The following MVB12B variants were observed in gnomAD, a reference collection of about 807,000 sequenced individuals.
MVB12B encodes ESCRT-I complex subunit MVB12B.
A neutral mutation model predicts 41.6 loss-of-function variants in MVB12B; 16 were observed. That is an observed-to-expected ratio of 0.38 (90% CI 0.26 to 0.58). MVB12B has a LOEUF of 0.58. Ranked by LOEUF, MVB12B falls within the 20% of genes least tolerant of loss-of-function variation. The pLI is 0.62. For synonymous variants in MVB12B, 133 were observed against 139.7 expected, an observed-to-expected ratio of 0.95 and a Z score of 0.34; for missense variants, 274 against 380.2, an observed-to-expected ratio of 0.72 and a Z score of 2.32.
At chr9:126,385,038 T>C (rs769326891) in intron 3 of MVB12B, among the ~76,000 whole-genome samples, 1 of 151,906 alleles carries the variant, frequency 6.6e-6, no homozygotes, top group Non-Finnish European at 1.5e-5. Flanking sequence ...GGTTTCGCCA[T>C]GTTTCCCAGG....
intron 9 of MVB12B, among the ~76,000 whole-genome samples, chr9:126,502,418 A>G (rs948980175): frequency 2.0e-5 from 3 of 151,952 alleles, no homozygotes; most frequent in Non-Finnish European, 4.4e-5. Context: ...CTAAATTTCC[A>G]TCAGACTTGG....
intron 2 of MVB12B, among the ~76,000 whole-genome samples, chr9:126,371,976 T>A (rs1306469165): frequency 6.6e-6 from 1 of 152,210 alleles, no homozygotes; most frequent in Non-Finnish European, 1.5e-5. Context: ...CACTGCCACC[T>A]AATTTTGAAC....
At chr9:126,453,366 C>A (rs79350332) in intron 7 of MVB12B, among the ~76,000 whole-genome samples, 3,531 of 152,246 alleles carry the variant, frequency 0.023, 139 homozygotes, top group African/African-American at 0.081. Flanking sequence ...GCACCCGGAG[C>A]AGACCAGGGC....
At position 126,420,561 on chromosome 9, in the gene MVB12B, C is replaced by CTT. The variant is rs567217742; in HGVS notation, c.663-1261_663-1260dup. On this transcript the variant is annotated intron_variant, in intron 6 of 9. Coordinates refer to ENST00000361171, the MANE Select transcript of MVB12B (RefSeq NM_033446.3). Reference sequence around the variant, plus strand: ...CTGGAGAGCCTTTCCTCCCAGGAGTCTTTTTTTTTTTTTTTTTTTTTTTTT... The same window carrying CTT: ...CTGGAGAGCCTTTCCTCCCAGGAGTCTTTTTTTTTTTTTTTTTTTTTTTTTTT... Among the ~76,000 whole-genome samples, 374 of 98,728 alleles carry CTT rather than the reference C, an allele frequency of 3.8e-3. 6 individuals carry two copies. The highest frequency in any genetic ancestry group is 5.7e-3 in the African/African-American group (124 of 21,898). 64.8% of individuals were successfully genotyped at this position (98,728 alleles called of 152,430 possible).
At chr9:126,375,251 AT>A (rs1564296320) in intron 2 of MVB12B, among the ~76,000 whole-genome samples, 2 of 141,886 alleles carry the variant, frequency 1.4e-5, no homozygotes, top group Non-Finnish European at 3.1e-5. Flanking sequence ...ACAACCTTTT[AT>A]TTTTTTCTTG....
At chr9:126,483,822 A>G in intron 8 of MVB12B, 151 bp from the exon 9 acceptor site, 1 of 780,774 alleles carries the variant, frequency 1.3e-6, no homozygotes, top group Non-Finnish European at 2.2e-6. Flanking sequence ...CGCGTGACCG[A>G]GAGTCCCACT....
intron 6 of MVB12B, among the ~76,000 whole-genome samples, chr9:126,404,646 G>A (rs1031734553): frequency 1.3e-5 from 2 of 152,102 alleles, no homozygotes; most frequent in South Asian, 4.1e-4. Flanking sequence ...CCGCCTAAGC[G>A]GTCTTAGGGA....
chr9:126,471,216 T>A (rs965201798), intron 7 of MVB12B, among the ~76,000 whole-genome samples: 1 of 152,364 alleles, frequency 6.6e-6, no homozygotes, highest in Admixed American at 6.5e-5. Context: ...TGTTCTTTCC[T>A]GTTGCTGTCT....
intron 3 of MVB12B, among the ~76,000 whole-genome samples, 154 bp downstream of exon 3, chr9:126,381,325 A>C (rs1270023811): frequency 6.6e-6 from 1 of 152,174 alleles, no homozygotes; most frequent in Non-Finnish European, 1.5e-5. Context: ...AGCAGCCAGC[A>C]CTGTGTTTCA....
chr9:126,447,559 T>G (rs1309718170), intron 7 of MVB12B, among the ~76,000 whole-genome samples: 1 of 152,208 alleles, frequency 6.6e-6, no homozygotes, highest in East Asian at 1.9e-4. Context: ...TATAATTTTT[T>G]GTTTTTTCAA....
chr9:126,380,952 G>A (rs1468752923), intron 2 of MVB12B, 112 bp from the exon 3 acceptor site: 11 of 730,506 alleles, frequency 1.5e-5, no homozygotes, highest in South Asian at 8.4e-5. Flanking sequence ...ATGAGATGCC[G>A]GGAGATCCCA....
chr9:126,498,904 A>G (rs1015671174), intron 9 of MVB12B, among the ~76,000 whole-genome samples: 4 of 152,314 alleles, frequency 2.6e-5, no homozygotes, highest in African/African-American at 9.6e-5. Context: ...TTTTCAAAAA[A>G]TGCTGGTGTC....
intron 6 of MVB12B, among the ~76,000 whole-genome samples, chr9:126,408,950 T>C (rs1324830534): frequency 7.2e-5 from 11 of 152,148 alleles, no homozygotes; most frequent in Admixed American, 7.2e-4. Context: ...CAAGGACACC[T>C]GTCCCGCAGC....
chr9:126,332,118 C>T (rs149488754), intron 1 of MVB12B, among the ~76,000 whole-genome samples: 1 of 152,150 alleles, frequency 6.6e-6, no homozygotes, highest in African/African-American at 2.4e-5. Flanking sequence ...GTTCACACCA[C>T]GGTGCCTTTG....
chr9:126,470,309 T>C (rs1833285120), intron 7 of MVB12B, among the ~76,000 whole-genome samples: 1 of 152,094 alleles, frequency 6.6e-6, no homozygotes, highest in African/African-American at 2.4e-5. Flanking sequence ...TCTCTGGTGT[T>C]GCAAGTCAAG....
chr9:126,406,758 AACTT>A (rs988143717), intron 6 of MVB12B, among the ~76,000 whole-genome samples: 1 of 152,014 alleles, frequency 6.6e-6, no homozygotes, highest in African/African-American at 2.4e-5. Context: ...AGTGTAATAA[AACTT>A]AAATGTAGTG....
rs538994095 is a variant in MVB12B at position 126,346,605 on chromosome 9, T to G, written c.204+5975T>G. On this transcript the variant is annotated intron_variant, in intron 2 of 9. Coordinates refer to ENST00000361171, the MANE Select transcript of MVB12B (RefSeq NM_033446.3). ...GAGAGAGGTCTGAGCACCATCCTCA[T>G]ATAGCAAGGACTGCGGGCATAAGTG... is the stretch of plus-strand genomic sequence containing the variant. 2.7e-4 allele frequency among the ~76,000 whole-genome samples: 41 copies of G among 152,166 alleles called. 1 individual carries two copies. Among genetic ancestry groups the G allele is most frequent in the African/African-American group, 9.9e-4 (41 of 41,526 alleles).
intron 9 of MVB12B, among the ~76,000 whole-genome samples, chr9:126,502,098 A>G (rs1309790585): frequency 6.6e-6 from 1 of 152,214 alleles, no homozygotes; most frequent in East Asian, 1.9e-4. Context: ...TTCTACTGCT[A>G]AAACTTTTCA....
chr9:126,439,804 A>G (rs1388591395), intron 7 of MVB12B, among the ~76,000 whole-genome samples: 1 of 152,264 alleles, frequency 6.6e-6, no homozygotes, highest in Non-Finnish European at 1.5e-5. Flanking sequence ...TGCTTTCATC[A>G]GTATAGCTTA....
Sources: allele counts gnomAD v4.1 joint callset (sites outside exome capture counted in the v4.1 genomes callset), GRCh38; gene constraint gnomAD v4.1.1; transcripts MANE v1.5; gene names NCBI Gene and HGNC (gene_info 2026-07-23, HGNC 2026-07-21).